The following GSAP variants were observed in gnomAD, a reference collection of about 807,000 sequenced individuals.
GSAP encodes gamma-secretase activating protein.
In GSAP, 118 loss-of-function variants were observed where a neutral mutation model predicts 131.7. That is an observed-to-expected ratio of 0.90 (90% CI 0.77 to 1.04). The LOEUF is 1.04. GSAP is among the 50% of genes least tolerant of loss of function. The probability of loss-of-function intolerance (pLI) is 0.00; values close to 1 mark genes in which losing one functional copy is unlikely to be tolerated. For missense variants in GSAP, 1,019 were observed against 1,013.2 expected (o/e 1.01, Z -0.08); for synonymous variants, 381 against 363.4 (o/e 1.05, Z -0.55).
At chr7:77,398,788 AGAAAT>A (rs1284931089) in intron 3 of GSAP, among the ~76,000 whole-genome samples, 1 of 152,186 alleles carries the variant, frequency 6.6e-6, no homozygotes, top group African/African-American at 2.4e-5. Flanking sequence ...AAAGGTCAAA[AGAAAT>A]GACAGTCTTT....
chr7:77,397,987 T>C (rs1800711304), intron 3 of GSAP, among the ~76,000 whole-genome samples: 1 of 152,182 alleles, frequency 6.6e-6, no homozygotes, highest in Non-Finnish European at 1.5e-5. Context: ...CTTTAATTTT[T>C]TTTCCTTGTT....
intron 9 of GSAP, 62 bp from the exon 10 acceptor site, chr7:77,376,969 A>G (rs896429469): frequency 1.3e-4 from 116 of 919,054 alleles, no homozygotes; most frequent in South Asian, 3.5e-4. Context: ...GAAGCAGTCA[A>G]GAAGCAAAAC....
chr7:77,415,929 G>A (rs1804333087), intron 1 of GSAP: 4 of 344,372 alleles, frequency 1.2e-5, no homozygotes, highest in Non-Finnish European at 2.1e-5. Context: ...GGAACCGCCA[G>A]CGGCCCGGCC....
chr7:77,350,370 A>G (rs1376979574), intron 18 of GSAP, among the ~76,000 whole-genome samples: 3 of 150,086 alleles, frequency 2.0e-5, no homozygotes, highest in African/African-American at 7.4e-5. Context: ...ACATGTATAC[A>G]TATGTAACTA....
chr7:77,368,140 T>C (rs1795585151), intron 12 of GSAP, among the ~76,000 whole-genome samples: 1 of 152,158 alleles, frequency 6.6e-6, no homozygotes, highest in South Asian at 2.1e-4. Context: ...TACTCACCAC[T>C]TCCCTGGGTG....
intron 6 of GSAP, among the ~76,000 whole-genome samples, chr7:77,386,645 C>T (rs1036155681): frequency 1.3e-5 from 2 of 152,168 alleles, no homozygotes; most frequent in Non-Finnish European, 1.5e-5. Flanking sequence ...GAACACTAGA[C>T]GGTGCCTCAG....
chr7:77,348,310 A>G, intron 19 of GSAP, among the ~76,000 whole-genome samples: 1 of 152,168 alleles, frequency 6.6e-6, no homozygotes, highest in East Asian at 1.9e-4. Context: ...TTTTCTCTTC[A>G]TCTTCATATG....
At chr7:77,318,655 T>C (rs753103081) in intron 26 of GSAP, among the ~76,000 whole-genome samples, 1 of 152,040 alleles carries the variant, frequency 6.6e-6, no homozygotes, top group Non-Finnish European at 1.5e-5. Context: ...AAACTGTCCA[T>C]AGGCAAAAGA....
At chr7:77,356,171 C>T (rs1046197409) in intron 14 of GSAP, among the ~76,000 whole-genome samples, 2 of 152,142 alleles carry the variant, frequency 1.3e-5, no homozygotes, top group Admixed American at 1.3e-4. Context: ...CACACCCAGC[C>T]ACATTTCTCT....
chr7:77,352,624 C>T (rs1481548344), intron 18 of GSAP, among the ~76,000 whole-genome samples: 1 of 152,160 alleles, frequency 6.6e-6, no homozygotes, highest in Non-Finnish European at 1.5e-5. Context: ...CTTATAAAAA[C>T]TCAGTACATA....
chr7:77,344,707 G>T (rs984101773), intron 19 of GSAP, among the ~76,000 whole-genome samples: 2 of 152,050 alleles, frequency 1.3e-5, no homozygotes, highest in East Asian at 1.9e-4. Context: ...TGCTGACGGG[G>T]TACACTCCAA....
chr7:77,341,008 A>T (rs1790827633), intron 19 of GSAP, among the ~76,000 whole-genome samples: 1 of 151,892 alleles, frequency 6.6e-6, no homozygotes. Context: ...CTGACCTAAA[A>T]CCTAAGCATC....
chr7:77,331,163 C>A (rs775045705), intron 19 of GSAP, among the ~76,000 whole-genome samples: 33 of 152,012 alleles, frequency 2.2e-4, no homozygotes, highest in Middle Eastern at 3.2e-3. Context: ...TAGCCAGGTG[C>A]AGTGGCGGGC....
At chr7:77,330,591 T>TTTTTTG (rs1554381548) in intron 19 of GSAP, 7 of 1,065,808 alleles carry the variant, frequency 6.6e-6, no homozygotes, top group African/African-American at 3.5e-5. Flanking sequence ...TTTTTTTTTT[T>TTTTTTG]TTGTCGTTGT....
In GSAP at chr7:77,378,813, C is replaced by T. The variant is rs1294049024; in HGVS notation, c.577-1423G>A. On this transcript the variant is annotated intron_variant, in intron 8 of 30. Coordinates refer to ENST00000257626, the MANE Select transcript of GSAP (RefSeq NM_017439.4). Reference sequence around the variant, plus strand: ...GAAGCAGTTAAGAATTAACTTTCCTCAAAATGCTTATTAAGCAAAAGTAAT... The same window carrying T: ...GAAGCAGTTAAGAATTAACTTTCCTTAAAATGCTTATTAAGCAAAAGTAAT... Among the ~76,000 whole-genome samples, 4 of 152,076 alleles carry T rather than the reference C, an allele frequency of 2.6e-5. No homozygotes were observed. In the East Asian group the frequency reaches 5.8e-4, roughly 22 times the overall value.
rs566579015 is a variant in GSAP, at chr7:77,347,416, G to A, written c.1545+1935C>T. Among the ~76,000 whole-genome samples, 2 of 152,224 alleles carry A rather than the reference G, an allele frequency of 1.3e-5. 1 individual carries two copies. Among genetic ancestry groups the A allele is most frequent in the South Asian group, 4.1e-4 (2 of 4,820 alleles). On this transcript the variant is annotated intron_variant, in intron 19 of 30. Coordinates refer to ENST00000257626, the MANE Select transcript of GSAP (RefSeq NM_017439.4). ...CACTGTCTCTAGGTAGATAGTGTCA[G>A]AACTGAATTAAAGGACACCCAGCTG...
Position 77,326,225 on chromosome 7 carries a change from A to G in GSAP, c.1814T>C (p.Leu605Pro), listed in dbSNP as rs749013710. 1.2e-6 allele frequency: 2 copies of G among 1,612,576 alleles called. No homozygotes were observed. The highest frequency in any genetic ancestry group is 3.3e-5 in the Admixed American group (2 of 59,886). Residue 605 changes from leucine (L) to proline (P), a missense_variant, in exon 23 of 31, where the codon CTG becomes CCG. Transcript: ENST00000257626. ...LLQEEDSHQR[L>P]LMGLMVSELK... ...CGTACCACTTACCAGCCCCATGAGC[A>G]GCCGCTGGTGGCTGTCTTCCTCCTG...
chr7:77,357,896 A>C (rs1362776281), intron 14 of GSAP, among the ~76,000 whole-genome samples: 1 of 152,196 alleles, frequency 6.6e-6, no homozygotes. Context: ...AGTTTGCCAT[A>C]ATTTGTTACA....
intron 16 of GSAP, among the ~76,000 whole-genome samples, chr7:77,354,840 C>T (rs1793416065): frequency 6.6e-6 from 1 of 152,004 alleles, no homozygotes; most frequent in Non-Finnish European, 1.5e-5. Flanking sequence ...ATTTTTATTA[C>T]AAATGTAATA....
Sources: allele counts gnomAD v4.1 joint callset (sites outside exome capture counted in the v4.1 genomes callset), GRCh38; gene constraint gnomAD v4.1.1; transcripts MANE v1.5; gene names NCBI Gene and HGNC (gene_info 2026-07-23, HGNC 2026-07-21).